The following ECHDC1 variants were observed in gnomAD, a reference collection of about 807,000 sequenced individuals.
ECHDC1 encodes ethylmalonyl-CoA decarboxylase 1.
Under a neutral mutation model 29.7 loss-of-function variants are expected in ECHDC1, and 29 were observed. That is an observed-to-expected ratio of 0.98 (90% CI 0.73 to 1.33). ECHDC1 has a LOEUF of 1.33. Among genes scored for constraint, ECHDC1 ranks in the 40% most tolerant of loss-of-function variants. The pLI is 0.00. For synonymous variants in ECHDC1, 126 were observed against 123.1 expected (o/e 1.02, Z -0.15); for missense variants, 328 against 350.0 (o/e 0.94, Z 0.50).
chr6:127,338,083 G>A (rs1234341854), intron 1 of ECHDC1, among the ~76,000 whole-genome samples: 1 of 152,130 alleles, frequency 6.6e-6, no homozygotes, highest in Non-Finnish European at 1.5e-5. Flanking sequence ...TTGGCATATG[G>A]ACCATTAAAT....
At chr6:127,308,331 G>C (rs1781614166) in intron 5 of ECHDC1, among the ~76,000 whole-genome samples, 1 of 152,068 alleles carries the variant, frequency 6.6e-6, no homozygotes, top group African/African-American at 2.4e-5. Flanking sequence ...TGGGATGCAA[G>C]GATGGTTCAA....
At chr6:127,294,232 C>G (rs752657967) in intron 5 of ECHDC1, among the ~76,000 whole-genome samples, 1 of 152,082 alleles carries the variant, frequency 6.6e-6, no homozygotes, top group Non-Finnish European at 1.5e-5. Context: ...AGTGTAGGGC[C>G]AGAAACGGCT....
intron 3 of ECHDC1, among the ~76,000 whole-genome samples, chr6:127,324,245 A>C (rs1422191557): frequency 6.6e-6 from 1 of 152,166 alleles, no homozygotes; most frequent in Non-Finnish European, 1.5e-5. Context: ...TATCATCTTA[A>C]TATTACTAAT....
chr6:127,316,391 T>C lies in ECHDC1; in HGVS notation c.416+59A>G, dbSNP rs1782379136. ...TTCTTAACTAGTACAAATAATGGAA[T>C]AGCAAAAAGCTATTTTTGGTCTTTT... On this transcript the variant is annotated intron_variant, in intron 4 of 5. Transcript: ENST00000454859. The C allele has an allele frequency of 6.4e-6, 9 of 1,396,834 alleles. No individual in the cohort carries two copies. The Admixed American group carries it at 1.8e-4, about 28-fold the overall frequency. 86.5% of individuals were successfully genotyped at this position (1,396,834 alleles called of 1,614,324 possible).
chr6:127,309,676 A>G (rs536850251), intron 5 of ECHDC1, among the ~76,000 whole-genome samples: 1 of 152,304 alleles, frequency 6.6e-6, no homozygotes, highest in African/African-American at 2.4e-5. Context: ...TCACACTGCT[A>G]TTAAGAACTA....
intron 4 of ECHDC1, 35 bp downstream of exon 4, chr6:127,316,415 T>C: frequency 6.4e-7 from 1 of 1,566,600 alleles, no homozygotes; most frequent in Non-Finnish European, 8.7e-7. Flanking sequence ...TTTTGGTCTT[T>C]TAGAAATCAT....
chr6:127,298,272 A>G (rs996324872), intron 5 of ECHDC1, among the ~76,000 whole-genome samples: 5 of 152,194 alleles, frequency 3.3e-5, no homozygotes, highest in Non-Finnish European at 7.3e-5. Flanking sequence ...TCTCTCTCAC[A>G]CCAAATTCAA....
intron 5 of ECHDC1, among the ~76,000 whole-genome samples, chr6:127,290,550 G>C (rs189701551): frequency 5.8e-4 from 88 of 152,158 alleles, no homozygotes; most frequent in Non-Finnish European, 1.1e-3. Flanking sequence ...TCTTTCTTAA[G>C]TGAGTGGTGA....
chr6:127,303,435 G>A (rs1781207269), intron 5 of ECHDC1, among the ~76,000 whole-genome samples: 3 of 152,292 alleles, frequency 2.0e-5, no homozygotes, highest in Admixed American at 2.0e-4. Flanking sequence ...TGTGAAGAAA[G>A]TTTTAGTGGT....
Position 127,343,609 on chromosome 6 carries a change from C to T in ECHDC1, c.-276G>A, listed in dbSNP as rs1785156701. The T allele has an allele frequency of 6.6e-6, 1 of 152,114 alleles. No individual in the cohort carries two copies. Among genetic ancestry groups the T allele is most frequent in the African/African-American group, 2.4e-5 (1 of 41,410 alleles). The allele number at this position is 152,114 out of a possible 1,614,324, so 9.4% of individuals were successfully genotyped here. On this transcript the variant is annotated 5_prime_UTR_variant, in exon 1 of 6. In the 5' UTR this introduces an upstream ATG that the reference lacks. Coordinates refer to ENST00000454859, the MANE Select transcript of ECHDC1 (RefSeq NM_001002030.2). ...CTCCGCTTCGCGCTCCCTCGTGTCACGAGGGAGCCAGGGTGGGCGGTCTCC... is the reference window on the plus strand; with the variant it reads ...CTCCGCTTCGCGCTCCCTCGTGTCATGAGGGAGCCAGGGTGGGCGGTCTCC...
At chr6:127,291,133 TAGTA>T (rs1309229392) in intron 5 of ECHDC1, among the ~76,000 whole-genome samples, 4 of 151,972 alleles carry the variant, frequency 2.6e-5, no homozygotes, top group African/African-American at 4.8e-5. Flanking sequence ...TAACAGGCCT[TAGTA>T]AGGAGTTCGG....
chr6:127,343,035 T>C (rs916275251), intron 1 of ECHDC1: 1 of 152,244 alleles, frequency 6.6e-6, no homozygotes, highest in African/African-American at 2.4e-5. Flanking sequence ...TCATGCTTTT[T>C]AAAGTGTAAT....
chr6:127,330,679 T>A, intron 2 of ECHDC1, 130 bp downstream of exon 2: 1 of 699,280 alleles, frequency 1.4e-6, no homozygotes, highest in Non-Finnish European at 2.3e-6. Context: ...GTTGTTTTTG[T>A]TATTTTTCTC....
chr6:127,339,538 C>T (rs1483816939), intron 1 of ECHDC1, among the ~76,000 whole-genome samples: 2 of 151,682 alleles, frequency 1.3e-5, no homozygotes, highest in African/African-American at 4.8e-5. Context: ...TCTAGGAGAC[C>T]AAAGTGGGCA....
intron 5 of ECHDC1, among the ~76,000 whole-genome samples, chr6:127,307,470 A>C (rs1781526700): frequency 6.6e-6 from 1 of 151,790 alleles, no homozygotes; most frequent in African/African-American, 2.4e-5. Context: ...CTCTACTAAA[A>C]ATACAAAAAT....
chr6:127,291,996 G>GT (rs1224191240), intron 5 of ECHDC1, among the ~76,000 whole-genome samples: 1 of 152,040 alleles, frequency 6.6e-6, no homozygotes, highest in Non-Finnish European at 1.5e-5. Flanking sequence ...GTACTGCCTT[G>GT]TTAAAACAAT....
intron 3 of ECHDC1, among the ~76,000 whole-genome samples, chr6:127,320,058 C>T (rs1782716249): frequency 6.6e-6 from 1 of 152,016 alleles, no homozygotes; most frequent in African/African-American, 2.4e-5. Context: ...TGCTCTGTCT[C>T]CCAGGCTGAA....
intron 2 of ECHDC1, among the ~76,000 whole-genome samples, chr6:127,329,373 A>ATT (rs10633704): frequency 0.73 from 110,807 of 151,836 alleles, 40,600 homozygotes; most frequent in East Asian, 0.78. Flanking sequence ...TCAAAATAAT[A>ATT]TGTTTCTAAT....
In ECHDC1 at chr6:127,343,353, G is replaced by C. The variant is rs543927693; in HGVS notation, c.-20C>G. The stretch of plus-strand genomic sequence containing the variant: ...CCACTTACCGTCGCAGGCCACGGTG[G>C]TGACTTCCTTTTCCGCTCCCCTACA... On this transcript the variant is annotated 5_prime_UTR_variant, in exon 1 of 6. Transcript: ENST00000454859. 1 of 152,500 alleles carries C rather than the reference G, an allele frequency of 6.6e-6. No homozygotes were observed. The highest frequency in any genetic ancestry group is 2.4e-5 in the African/African-American group (1 of 41,512). The allele number at this position is 152,500 out of a possible 1,614,324, so 9.4% of individuals were successfully genotyped here.
Sources: allele counts gnomAD v4.1 joint callset (sites outside exome capture counted in the v4.1 genomes callset), GRCh38; gene constraint gnomAD v4.1.1; transcripts MANE v1.5; gene names NCBI Gene and HGNC (gene_info 2026-07-23, HGNC 2026-07-21).